TMCO4: variants seen among roughly 807,000 people sequenced by gnomAD.
TMCO4 encodes transmembrane and coiled-coil domains 4.
A neutral mutation model predicts 64.7 loss-of-function variants in TMCO4; 58 were observed. The observed-to-expected ratio is 0.90, with a 90% CI of 0.73 to 1.12. TMCO4 has a LOEUF of 1.12. Among genes scored for constraint, TMCO4 ranks in the 50% most tolerant of loss-of-function variants. The pLI, the probability that TMCO4 is intolerant of heterozygous loss-of-function variation, is 0.00. For missense variants in TMCO4, 780 were observed against 825.9 expected (o/e 0.94, Z 0.68); for synonymous variants, 325 against 346.1 (o/e 0.94, Z 0.68).
intron 2 of TMCO4, 59 bp downstream of exon 2, chr1:19,798,078 T>C (rs1170007423): frequency 1.3e-5 from 2 of 158,912 alleles, no homozygotes; most frequent in Admixed American, 6.5e-5. Context: ...TACCATGATA[T>C]CAGGGCAGCT....
At chr1:19,751,604 T>A (rs2042020251) in intron 7 of TMCO4, among the ~76,000 whole-genome samples, 1 of 151,950 alleles carries the variant, frequency 6.6e-6, no homozygotes, top group Non-Finnish European at 1.5e-5. Flanking sequence ...AGACTCTGTC[T>A]CCCCCATCTC....
At chr1:19,705,238 G>T (rs2095296218) in intron 13 of TMCO4, among the ~76,000 whole-genome samples, 1 of 152,090 alleles carries the variant, frequency 6.6e-6, no homozygotes, top group Admixed American at 6.6e-5. Context: ...ATCACCTGAG[G>T]TCAGGAGTTT....
chr1:19,707,757 G>A (rs1489436484), intron 13 of TMCO4, among the ~76,000 whole-genome samples: 1 of 152,212 alleles, frequency 6.6e-6, no homozygotes, highest in Non-Finnish European at 1.5e-5. Flanking sequence ...GGTAATTTAT[G>A]AAGAAGAGAG....
intron 13 of TMCO4, among the ~76,000 whole-genome samples, chr1:19,722,218 T>A (rs2095388003): frequency 6.6e-6 from 1 of 152,014 alleles, no homozygotes; most frequent in Non-Finnish European, 1.5e-5. Context: ...AGTCTAGGAG[T>A]CCACAATCAC....
chr1:19,715,575 A>C (rs1433884558), intron 13 of TMCO4, among the ~76,000 whole-genome samples: 1 of 152,214 alleles, frequency 6.6e-6, no homozygotes. Flanking sequence ...AACAAGACGG[A>C]TATAACTGAC....
At chr1:19,790,711 G>A (rs901220878) in intron 2 of TMCO4, among the ~76,000 whole-genome samples, 1 of 152,206 alleles carries the variant, frequency 6.6e-6, no homozygotes, top group Non-Finnish European at 1.5e-5. Flanking sequence ...CTGTTGGTGG[G>A]AATGTAAATT....
At chr1:19,704,266 T>C (rs2095290587) in intron 13 of TMCO4, among the ~76,000 whole-genome samples, 1 of 152,232 alleles carries the variant, frequency 6.6e-6, no homozygotes, top group African/African-American at 2.4e-5. Flanking sequence ...TTGTGGTGAA[T>C]AGCAAGGATG....
intron 15 of TMCO4, among the ~76,000 whole-genome samples, chr1:19,692,177 AT>A (rs2095200257): frequency 6.6e-6 from 1 of 152,164 alleles, no homozygotes; most frequent in Non-Finnish European, 1.5e-5. Context: ...GAAACCAAAG[AT>A]TTTGTTCTCA....
At chr1:19,712,143 G>A (rs1488045505) in intron 13 of TMCO4, among the ~76,000 whole-genome samples, 2 of 152,174 alleles carry the variant, frequency 1.3e-5, no homozygotes, top group Admixed American at 1.3e-4. Flanking sequence ...ATACTGTTGT[G>A]TCTCAGGGAA....
intron 3 of TMCO4, among the ~76,000 whole-genome samples, chr1:19,784,845 T>TAAAAAAAAAAAAAAAAAAA (rs34693780): frequency 1.0e-5 from 1 of 97,846 alleles, no homozygotes. Flanking sequence ...GCTGATGCAC[T>TAAAAAAAAAAAAAAAAAAA]AAAAAAAAAA....
At chr1:19,755,568 G>A (rs2042209279) in intron 7 of TMCO4, 66 bp downstream of exon 7, 2 of 1,598,168 alleles carry the variant, frequency 1.3e-6, no homozygotes, top group Admixed American at 3.4e-5. Flanking sequence ...AGGGGACTCT[G>A]TTATCTGCAA....
chr1:19,705,472 TAAAC>T (rs1158016792), intron 13 of TMCO4, among the ~76,000 whole-genome samples: 2 of 136,480 alleles, frequency 1.5e-5, no homozygotes, highest in Non-Finnish European at 3.2e-5. Flanking sequence ...AATAAATAAA[TAAAC>T]AAATAAATAA....
At chr1:19,691,167 C>T (rs1318481698) in intron 15 of TMCO4, among the ~76,000 whole-genome samples, 1 of 152,144 alleles carries the variant, frequency 6.6e-6, no homozygotes, top group Non-Finnish European at 1.5e-5. Flanking sequence ...TGCACCCGGC[C>T]CCTGTGAAGA....
chr1:19,741,352 C>T (rs940518602), intron 10 of TMCO4, among the ~76,000 whole-genome samples: 1 of 152,242 alleles, frequency 6.6e-6, no homozygotes, highest in African/African-American at 2.4e-5. Flanking sequence ...TAATGACATA[C>T]AACGAGAGCA....
At chr1:19,687,033 C>A (rs1392154175) in intron 15 of TMCO4, among the ~76,000 whole-genome samples, 2 of 151,806 alleles carry the variant, frequency 1.3e-5, no homozygotes, top group South Asian at 4.1e-4. Flanking sequence ...ATTACTGCAA[C>A]CTCTGCCTTC....
At chr1:19,721,131 G>A (rs2095380830) in intron 13 of TMCO4, among the ~76,000 whole-genome samples, 2 of 152,108 alleles carry the variant, frequency 1.3e-5, no homozygotes, top group Admixed American at 6.5e-5. Context: ...TGAGACTCAC[G>A]CATGGGACCT....
chr1:19,697,259 C>CTA (rs1276876379), intron 14 of TMCO4, among the ~76,000 whole-genome samples: 2 of 152,072 alleles, frequency 1.3e-5, no homozygotes, highest in Admixed American at 6.6e-5. Flanking sequence ...CCACCCAGTA[C>CTA]TATATATATA....
At chr1:19,736,802 C>T (rs1557537351) in intron 13 of TMCO4, among the ~76,000 whole-genome samples, 1 of 152,204 alleles carries the variant, frequency 6.6e-6, no homozygotes, top group African/African-American at 2.4e-5. Context: ...GATATGTCCA[C>T]CCAGAACCTG....
chr1:19,784,940 C>G (rs1316816861), intron 3 of TMCO4, among the ~76,000 whole-genome samples: 2 of 151,832 alleles, frequency 1.3e-5, no homozygotes, highest in Admixed American at 1.3e-4. Flanking sequence ...CAAAGCTGTC[C>G]TGGGCTATAT....
Sources: gnomAD v4.1 joint callset for allele counts (sites outside exome capture counted in the v4.1 genomes callset) on GRCh38, gnomAD v4.1.1 for gene constraint, MANE v1.5 for transcripts, NCBI Gene and HGNC (gene_info 2026-07-23, HGNC 2026-07-21) for gene names.